Variants in SMIM35 observed in about 807,000 individuals in gnomAD.
SMIM35 encodes the protein small integral membrane protein 35.
chr11:118,074,517 C>T (rs567508078), intron 1 of SMIM35, among the ~76,000 whole-genome samples: 12 of 152,070 alleles, frequency 7.9e-5, no homozygotes, highest in Middle Eastern at 3.4e-3. Context: ...GAAACCAGAG[C>T]GAGTGGATCG....
intron 1 of SMIM35, among the ~76,000 whole-genome samples, chr11:118,033,723 G>C (rs1565386102): frequency 6.6e-6 from 1 of 152,182 alleles, no homozygotes; most frequent in South Asian, 2.1e-4. Flanking sequence ...TCAGGTGAAA[G>C]TGTAAATGAA....
At chr11:118,029,101 T>A (rs617345) in intron 1 of SMIM35, 11 of 288,162 alleles carry the variant, frequency 3.8e-5, no homozygotes, top group Non-Finnish European at 6.2e-5. Flanking sequence ...AATCACACGC[T>A]TGAAGTATAG....
intron 1 of SMIM35, among the ~76,000 whole-genome samples, chr11:118,050,635 T>A (rs1381789385): frequency 2.6e-5 from 4 of 152,208 alleles, no homozygotes; most frequent in Non-Finnish European, 5.9e-5. Flanking sequence ...TCCATTTCAC[T>A]CACTCTTCTA....
intron 1 of SMIM35, among the ~76,000 whole-genome samples, chr11:118,016,389 G>A (rs1433917841): frequency 6.6e-6 from 1 of 152,196 alleles, no homozygotes; most frequent in East Asian, 1.9e-4. Flanking sequence ...AAACCTGCAG[G>A]AGATGAGATA....
chr11:118,012,671 G>A (rs1185977112), intron 4 of SMIM35, among the ~76,000 whole-genome samples: 1 of 152,226 alleles, frequency 6.6e-6, no homozygotes, highest in African/African-American at 2.4e-5. Flanking sequence ...AGCAGTAAGA[G>A]AACAGGCCCA....
chr11:118,011,737 G>C (rs1010137790), intron 4 of SMIM35, among the ~76,000 whole-genome samples: 1 of 152,128 alleles, frequency 6.6e-6, no homozygotes, highest in Admixed American at 6.5e-5. Context: ...AACCTCAGGG[G>C]TTAGGAAAGA....
At chr11:118,023,065 C>G (rs888212386) in intron 1 of SMIM35, among the ~76,000 whole-genome samples, 7 of 151,730 alleles carry the variant, frequency 4.6e-5, no homozygotes, top group African/African-American at 1.7e-4. Flanking sequence ...TATAGGCAAA[C>G]AAAAATATCT....
chr11:118,036,028 C>T (rs2058357273), intron 1 of SMIM35, among the ~76,000 whole-genome samples: 1 of 152,178 alleles, frequency 6.6e-6, no homozygotes, highest in Non-Finnish European at 1.5e-5. Context: ...GCTGGGATTA[C>T]AGGCACCTGC....
chr11:118,022,684 C>G (rs1234380105), intron 1 of SMIM35, among the ~76,000 whole-genome samples: 2 of 152,076 alleles, frequency 1.3e-5, no homozygotes, highest in South Asian at 4.2e-4. Context: ...CAGAGGGACC[C>G]CCTCAAGTAT....
In SMIM35 at chr11:118,053,008, A is replaced by C. The variant is rs185927567; in HGVS notation, c.7+33743T>G. 4.1e-3 allele frequency among the ~76,000 whole-genome samples: 624 copies of C among 152,250 alleles called. 5 individuals carry two copies. Among genetic ancestry groups the C allele is most frequent in the Non-Finnish European group, 7.4e-3 (502 of 68,010 alleles). ...AGGCTTATCTGATTCTGTGTCTCCA[A>C]AGCCTACTAGCTCACAGCCGGGTCC... is the stretch of plus-strand genomic sequence containing the variant. On this transcript the variant is annotated intron_variant, in intron 1 of 4. Transcript: ENST00000689828.
intron 4 of SMIM35, among the ~76,000 whole-genome samples, chr11:118,008,166 G>A (rs1020234200): frequency 2.6e-5 from 4 of 152,138 alleles, no homozygotes; most frequent in African/African-American, 9.7e-5. Context: ...CACCGTGCCC[G>A]GCCACACCTG....
chr11:118,040,295 C>A (rs1943980612), intron 1 of SMIM35, among the ~76,000 whole-genome samples: 1 of 152,088 alleles, frequency 6.6e-6, no homozygotes, highest in African/African-American at 2.4e-5. Context: ...GATTTGCAAA[C>A]AGACACTTAA....
At chr11:118,061,421 A>C (rs1014698043) in intron 1 of SMIM35, among the ~76,000 whole-genome samples, 1 of 152,230 alleles carries the variant, frequency 6.6e-6, no homozygotes. Context: ...TTTTATGCCA[A>C]TGTATTACAT....
chr11:118,072,168 G>A (rs1324104151), intron 1 of SMIM35, among the ~76,000 whole-genome samples: 1 of 152,186 alleles, frequency 6.6e-6, no homozygotes, highest in Non-Finnish European at 1.5e-5. Context: ...GTGGGTGACT[G>A]CTGATACTGA....
At chr11:118,058,280 T>C (rs1944346227) in intron 1 of SMIM35, among the ~76,000 whole-genome samples, 1 of 152,126 alleles carries the variant, frequency 6.6e-6, no homozygotes, top group Admixed American at 6.5e-5. Flanking sequence ...CCCACGGTAA[T>C]TGGCTGTCTC....
At chr11:118,051,256 G>A (rs1404379334) in intron 1 of SMIM35, among the ~76,000 whole-genome samples, 1 of 152,170 alleles carries the variant, frequency 6.6e-6, no homozygotes, top group Non-Finnish European at 1.5e-5. Context: ...TGAAACAGAT[G>A]GGAGTTTCTC....
intron 1 of SMIM35, among the ~76,000 whole-genome samples, chr11:118,034,432 G>A (rs1315907462): frequency 2.0e-5 from 3 of 151,730 alleles, no homozygotes; most frequent in Admixed American, 6.6e-5. Flanking sequence ...GGTTACAATA[G>A]GCTTAGGGGG....
Position 118,013,874 on chromosome 11 carries a change from C to A in SMIM35, c.165G>T (p.Leu55=), listed in dbSNP as rs531388734. The A allele has an allele frequency of 2.5e-6, 1 of 398,936 alleles. No individual in the cohort carries two copies. Among genetic ancestry groups the A allele is most frequent in the South Asian group, 1.3e-4 (1 of 7,856 alleles). The allele number at this position is 398,936 out of a possible 1,614,324, so 24.7% of individuals were successfully genotyped here. The change falls in exon 4 of 5, where the codon CTG becomes CTT. Residue 55 remains leucine (L), a synonymous_variant. Coordinates refer to ENST00000689828, the MANE Select transcript of SMIM35 (RefSeq NM_001394165.1). The part of the protein sequence containing the change: ...FVFNLYQIRN[L]KDLEMGPPFT... ...AGGGTGGACCCATCTCCAGATCCTT[C>A]AGGTTCCTGAAAAAGATGATCCAAT...
At chr11:118,011,261 A>G (rs2058149204) in intron 4 of SMIM35, among the ~76,000 whole-genome samples, 1 of 152,140 alleles carries the variant, frequency 6.6e-6, no homozygotes, top group Non-Finnish European at 1.5e-5. Context: ...GGCCAGGGCC[A>G]CCTGGGTCCT....
Sources: allele counts gnomAD v4.1 joint callset (sites outside exome capture counted in the v4.1 genomes callset), GRCh38; gene constraint gnomAD v4.1.1; transcripts MANE v1.5; gene names NCBI Gene and HGNC (gene_info 2026-07-23, HGNC 2026-07-21).